Variants in ROBO2 observed in about 807,000 individuals in gnomAD.
ROBO2 encodes the protein roundabout homolog 2.
In ROBO2, 53 loss-of-function variants were observed where a neutral mutation model predicts 160.8. The observed-to-expected ratio is 0.33, with a 90% confidence interval of 0.26 to 0.41. The LOEUF (loss-of-function observed/expected upper bound fraction) is 0.41. Among genes scored for constraint, ROBO2 ranks in the 10% least tolerant of loss-of-function variants. The pLI is 1.00. For missense variants in ROBO2, 1,577 were observed against 1,722.4 expected (o/e 0.92, Z 1.49); for synonymous variants, 664 against 611.7 (o/e 1.09, Z -1.26).
intron 2 of ROBO2, among the ~76,000 whole-genome samples, chr3:76,925,210 C>CAAAAAAAAA (rs147022230): frequency 1.8e-4 from 11 of 61,856 alleles, no homozygotes; most frequent in African/African-American, 5.3e-4. Flanking sequence ...GACTCCGTCT[C>CAAAAAAAAA]AAAAAAAAAA....
intron 2 of ROBO2, among the ~76,000 whole-genome samples, chr3:76,247,119 T>A (rs1705667787): frequency 6.6e-6 from 1 of 152,154 alleles, no homozygotes; most frequent in African/African-American, 2.4e-5. Flanking sequence ...CATACATCCA[T>A]CTACACAGTT....
intron 2 of ROBO2, among the ~76,000 whole-genome samples, chr3:77,226,280 C>T (rs752656351): frequency 1.4e-4 from 21 of 151,382 alleles, no homozygotes; most frequent in Non-Finnish European, 2.2e-4. Flanking sequence ...GACCGTTGTA[C>T]GTGAATATTT....
intron 2 of ROBO2, among the ~76,000 whole-genome samples, chr3:76,008,925 C>G (rs2066111239): frequency 6.6e-6 from 1 of 152,024 alleles, no homozygotes; most frequent in Non-Finnish European, 1.5e-5. Flanking sequence ...GGGGAGTAGA[C>G]AGTCATGAGG....
At chr3:76,884,069 G>A (rs1277472475) in intron 2 of ROBO2, among the ~76,000 whole-genome samples, 1 of 152,078 alleles carries the variant, frequency 6.6e-6, no homozygotes, top group Non-Finnish European at 1.5e-5. Context: ...GCTTAGAATA[G>A]GCATAAGCAT....
intron 1 of ROBO2, among the ~76,000 whole-genome samples, chr3:75,920,536 C>T (rs1946990693): frequency 6.6e-6 from 1 of 152,160 alleles, no homozygotes; most frequent in South Asian, 2.1e-4. Flanking sequence ...CTGTAGATAT[C>T]TATTAGGTCC....
intron 2 of ROBO2, among the ~76,000 whole-genome samples, chr3:77,424,696 A>G (rs1041160504): frequency 6.6e-6 from 1 of 152,118 alleles, no homozygotes; most frequent in Non-Finnish European, 1.5e-5. Context: ...GTTTCCATCA[A>G]TTTGAGAAAA....
chr3:76,296,071 A>G (rs1709057824), intron 2 of ROBO2, among the ~76,000 whole-genome samples: 1 of 152,202 alleles, frequency 6.6e-6, no homozygotes, highest in Non-Finnish European at 1.5e-5. Context: ...AAGGATAGTT[A>G]TGTTGAATCA....
rs1317993236 is a variant in ROBO2 at position 77,005,219 on chromosome 3, G to A, written c.110-92795G>A. On this transcript the variant is annotated intron_variant, in intron 2 of 26. Coordinates refer to the ROBO2 transcript ENST00000487694. ...GACTCTATGGCCGCCGCCTTGCTGT[G>A]GTGCGCCAGGTGCTGCATTTTAAGT... Among the ~76,000 whole-genome samples, 4 of 152,102 alleles carry A rather than the reference G, an allele frequency of 2.6e-5. No homozygotes were observed. The East Asian group carries it at 5.8e-4, about 22-fold the overall frequency.
At chr3:76,542,460 G>GTC (rs2082872488) in intron 2 of ROBO2, among the ~76,000 whole-genome samples, 1 of 152,114 alleles carries the variant, frequency 6.6e-6, no homozygotes, top group Non-Finnish European at 1.5e-5. Context: ...AATACCAGGT[G>GTC]TTGAGGTTGG....
At position 77,574,413 on chromosome 3, in the gene ROBO2, A is replaced by G. The variant is rs148934220; in HGVS notation, c.1972-86A>G. 523 of 1,142,926 alleles carry G rather than the reference A, an allele frequency of 4.6e-4. 5 individuals carry two copies. The African/African-American group carries it at 6.7e-3, about 15-fold the overall frequency. The allele number at this position is 1,142,926 out of a possible 1,614,324, so 70.8% of individuals were successfully genotyped here. A position where few individuals can be genotyped will look rare whatever the true frequency, so the allele number is the denominator to read the frequency against. Reference sequence around the variant, plus strand: ...TCAGTTGATAGTTATGAGGACAGAAATGGGACAAATGAAAAGAGGACAAAT... The same window carrying G: ...TCAGTTGATAGTTATGAGGACAGAAGTGGGACAAATGAAAAGAGGACAAAT... On this transcript the variant is annotated intron_variant, in intron 13 of 25. Transcript: ENST00000461745.
intron 2 of ROBO2, among the ~76,000 whole-genome samples, chr3:76,716,287 A>C (rs764252091): frequency 6.6e-6 from 1 of 152,232 alleles, no homozygotes; most frequent in Non-Finnish European, 1.5e-5. Context: ...AAAGCTGCTT[A>C]ACTACAATAA....
intron 2 of ROBO2, among the ~76,000 whole-genome samples, chr3:76,346,587 A>G (rs2074545976): frequency 6.6e-6 from 1 of 152,156 alleles, no homozygotes; most frequent in African/African-American, 2.4e-5. Context: ...GGCAATGTCT[A>G]TTAAAAATAC....
chr3:76,272,630 T>A (rs901662088), intron 2 of ROBO2, among the ~76,000 whole-genome samples: 1 of 138,070 alleles, frequency 7.2e-6, no homozygotes, highest in African/African-American at 2.6e-5. Flanking sequence ...GCCAGTGCAC[T>A]CCAGCCTGGG....
At chr3:77,384,216 G>A (rs1008412627) in intron 2 of ROBO2, among the ~76,000 whole-genome samples, 2 of 152,052 alleles carry the variant, frequency 1.3e-5, no homozygotes, top group African/African-American at 4.8e-5. Context: ...TATGCCAACC[G>A]AAAGTCTTTA....
chr3:76,481,871 A>C (rs1172179937), intron 2 of ROBO2, among the ~76,000 whole-genome samples: 1 of 152,128 alleles, frequency 6.6e-6, no homozygotes, highest in Non-Finnish European at 1.5e-5. Context: ...GATCTCCCCA[A>C]AAGTGGATTT....
intron 2 of ROBO2, among the ~76,000 whole-genome samples, chr3:76,534,644 T>C (rs1362355691): frequency 6.6e-6 from 1 of 152,142 alleles, no homozygotes; most frequent in Non-Finnish European, 1.5e-5. Context: ...TATGTTGTGC[T>C]GGATGCTGGT....
chr3:77,137,405 T>C (rs1368721450), intron 2 of ROBO2, among the ~76,000 whole-genome samples: 2 of 152,120 alleles, frequency 1.3e-5, no homozygotes, highest in Non-Finnish European at 2.9e-5. Context: ...TTTGTATTTC[T>C]AGTAGAGACG....
chr3:77,255,016 T>C (rs946278830), intron 2 of ROBO2, among the ~76,000 whole-genome samples: 4 of 152,240 alleles, frequency 2.6e-5, no homozygotes, highest in Non-Finnish European at 4.4e-5. Context: ...TAAACTGTGC[T>C]GTTAAAAGGA....
intron 2 of ROBO2, among the ~76,000 whole-genome samples, chr3:76,076,875 T>G (rs181530759): frequency 6.6e-6 from 1 of 152,236 alleles, no homozygotes; most frequent in Admixed American, 6.5e-5. Flanking sequence ...CTTTAACTGT[T>G]GTACTGTCGA....
Sources: gnomAD v4.1 joint callset for allele counts (sites outside exome capture counted in the v4.1 genomes callset) on GRCh38, gnomAD v4.1.1 for gene constraint, MANE v1.5 for transcripts, NCBI Gene and HGNC (gene_info 2026-07-23, HGNC 2026-07-21) for gene names.